The following ADCY10 variants were observed in gnomAD, a reference collection of about 807,000 sequenced individuals.
ADCY10 encodes the protein adenylate cyclase type 10.
In ADCY10, 156 loss-of-function variants were observed where a neutral mutation model predicts 183.3. That is an observed-to-expected ratio of 0.85 (90% CI 0.75 to 0.97). The LOEUF (loss-of-function observed/expected upper bound fraction) is 0.97, where lower values mean the gene tolerates loss of function less well. Among genes scored for constraint, ADCY10 ranks in the 50% least tolerant of loss-of-function variants. ADCY10 has a pLI of 0.00. For synonymous variants in ADCY10, 645 were observed against 670.0 expected (o/e 0.96, Z 0.58); for missense variants, 1,745 against 1,934.3 (o/e 0.90, Z 1.84).
intron 21 of ADCY10, among the ~76,000 whole-genome samples, chr1:167,839,950 T>A (rs939534314): frequency 6.6e-6 from 1 of 151,894 alleles, no homozygotes; most frequent in South Asian, 2.1e-4. Context: ...CCAGGCACAG[T>A]GGCTCATCCC....
At chr1:167,876,545 T>C (rs759290816) in intron 12 of ADCY10, among the ~76,000 whole-genome samples, 1 of 152,216 alleles carries the variant, frequency 6.6e-6, no homozygotes, top group Non-Finnish European at 1.5e-5. Context: ...GCTAAGTTTG[T>C]GTATGTTGGT....
At chr1:167,906,133 C>T (rs1201322917) in intron 1 of ADCY10, among the ~76,000 whole-genome samples, 2 of 151,710 alleles carry the variant, frequency 1.3e-5, no homozygotes, top group African/African-American at 2.4e-5. Flanking sequence ...TTGAGACAGT[C>T]GCTTATATCC....
intron 23 of ADCY10, 118 bp downstream of exon 23, chr1:167,836,191 G>C (rs1184463579): frequency 6.8e-6 from 5 of 732,794 alleles, no homozygotes; most frequent in Admixed American, 4.0e-5. Context: ...CAGTGGAAAG[G>C]GGTGCTGTCG....
intron 21 of ADCY10, among the ~76,000 whole-genome samples, chr1:167,838,131 T>C (rs753768150): frequency 6.6e-6 from 1 of 152,234 alleles, no homozygotes; most frequent in Non-Finnish European, 1.5e-5. Context: ...TAGATGCAGT[T>C]TGAACATCTA....
At chr1:167,902,089 A>C (rs1201424078) in intron 3 of ADCY10, 35 bp from the exon 4 acceptor site, 2 of 1,593,452 alleles carry the variant, frequency 1.3e-6, no homozygotes, top group South Asian at 2.2e-5. Flanking sequence ...TCAAACCCTG[A>C]TTCCTTAAAG....
At chr1:167,876,157 T>C (rs1667450379) in intron 12 of ADCY10, among the ~76,000 whole-genome samples, 1 of 150,886 alleles carries the variant, frequency 6.6e-6, no homozygotes, top group South Asian at 2.1e-4. Context: ...CTCTGGAGGC[T>C]GAGGCAGGAG....
intron 10 of ADCY10, 52 bp from the exon 11 acceptor site, chr1:167,880,243 T>A: frequency 6.7e-7 from 1 of 1,486,676 alleles, no homozygotes; most frequent in Non-Finnish European, 9.3e-7. Flanking sequence ...ATAATGAGCG[T>A]AGAGAAAGTG....
At chr1:167,895,053 G>A (rs113670109) in intron 7 of ADCY10, among the ~76,000 whole-genome samples, 4 of 151,898 alleles carry the variant, frequency 2.6e-5, no homozygotes, top group African/African-American at 7.3e-5. Flanking sequence ...GTGGTGGCAC[G>A]CCTCTGTATT....
At chr1:167,816,105 T>C (rs897347331) in intron 31 of ADCY10, among the ~76,000 whole-genome samples, 3 of 151,382 alleles carry the variant, frequency 2.0e-5, no homozygotes, top group South Asian at 2.1e-4. Flanking sequence ...TCAGAAATAC[T>C]TGAAGCAAGA....
intron 31 of ADCY10, among the ~76,000 whole-genome samples, chr1:167,817,133 G>A (rs1183192269): frequency 6.6e-6 from 1 of 152,170 alleles, no homozygotes; most frequent in African/African-American, 2.4e-5. Flanking sequence ...GAAGGCTGAG[G>A]TGGGTGGATC....
chr1:167,889,467 C>T (rs911516926), intron 8 of ADCY10, among the ~76,000 whole-genome samples: 8 of 138,596 alleles, frequency 5.8e-5, no homozygotes, highest in African/African-American at 2.0e-4. Context: ...GTTGTTGAAC[C>T]CAGTTTGCTA....
chr1:167,841,213 A>T (rs1217575346), intron 21 of ADCY10, among the ~76,000 whole-genome samples: 1 of 152,148 alleles, frequency 6.6e-6, no homozygotes, highest in Non-Finnish European at 1.5e-5. Context: ...AAGTGCTGGG[A>T]TTACAGGTGA....
intron 28 of ADCY10, among the ~76,000 whole-genome samples, chr1:167,823,626 A>G (rs1020271997): frequency 1.3e-5 from 2 of 152,150 alleles, no homozygotes; most frequent in African/African-American, 4.8e-5. Flanking sequence ...AAGCTATTGA[A>G]TAAAAAAAGC....
chr1:167,818,950 C>T (rs1662700449), intron 30 of ADCY10, among the ~76,000 whole-genome samples: 1 of 152,126 alleles, frequency 6.6e-6, no homozygotes, highest in African/African-American at 2.4e-5. Flanking sequence ...GCCAGTACTG[C>T]TCAAAATGTA....
At chr1:167,896,804 A>T in intron 6 of ADCY10, 113 bp from the exon 7 acceptor site, 1 of 741,606 alleles carries the variant, frequency 1.3e-6, no homozygotes, top group Non-Finnish European at 2.4e-6. Context: ...TGATTGGCAC[A>T]CTTAAACACC....
intron 8 of ADCY10, among the ~76,000 whole-genome samples, chr1:167,892,872 G>A (rs1272977161): frequency 6.6e-6 from 1 of 152,066 alleles, no homozygotes; most frequent in Non-Finnish European, 1.5e-5. Flanking sequence ...GATAGACCAG[G>A]GTCCAAATCC....
intron 5 of ADCY10, 151 bp downstream of exon 5, chr1:167,901,511 A>C: frequency 1.2e-6 from 1 of 845,396 alleles, no homozygotes. Context: ...GGAAGCCAAA[A>C]TTCACATTCT....
chr1:167,850,657 G>C (rs1199290561), intron 18 of ADCY10, among the ~76,000 whole-genome samples: 1 of 142,194 alleles, frequency 7.0e-6, no homozygotes, highest in Non-Finnish European at 1.5e-5. Context: ...TACCAAAAAG[G>C]GGGCCGTGTG....
chr1:167,876,183 A>C (rs1229104709), intron 12 of ADCY10, among the ~76,000 whole-genome samples: 5 of 151,478 alleles, frequency 3.3e-5, no homozygotes, highest in African/African-American at 1.2e-4. Flanking sequence ...CTTGAACCCA[A>C]GAGACAGAGG....
Sources: allele counts gnomAD v4.1 joint callset (sites outside exome capture counted in the v4.1 genomes callset), GRCh38; gene constraint gnomAD v4.1.1; transcripts MANE v1.5; gene names NCBI Gene and HGNC (gene_info 2026-07-23, HGNC 2026-07-21).